The following TDRD3 variants were observed in gnomAD, a reference collection of about 807,000 sequenced individuals.
The protein encoded by TDRD3 is tudor domain containing 3.
A neutral mutation model predicts 86.7 loss-of-function variants in TDRD3; 45 were observed. The ratio of observed to expected loss-of-function variants is 0.52; its 90% confidence interval spans 0.41 to 0.67. TDRD3 has a LOEUF of 0.67. Ranked by LOEUF, TDRD3 falls within the 30% of genes least tolerant of loss-of-function variation. TDRD3 has a pLI of 0.00. For synonymous variants in TDRD3, 298 were observed against 301.7 expected, an observed-to-expected ratio of 0.99 and a Z score of 0.13; for missense variants, 814 against 889.0, an observed-to-expected ratio of 0.92 and a Z score of 1.07.
intron 10 of TDRD3, among the ~76,000 whole-genome samples, chr13:60,511,181 A>G (rs1366324630): frequency 6.6e-6 from 1 of 152,186 alleles, no homozygotes; most frequent in Admixed American, 6.6e-5. Context: ...TTTTTTATAT[A>G]CTTTAGTGAT....
intron 5 of TDRD3, among the ~76,000 whole-genome samples, chr13:60,475,804 A>AT (rs570162561): frequency 6.2e-4 from 94 of 152,032 alleles, no homozygotes; most frequent in African/African-American, 2.2e-3. Flanking sequence ...GATAATGAGC[A>AT]TTTTTTTCAT....
upstream of TDRD3, chr13:60,397,183 G>T (rs1953937043): frequency 4.9e-6 from 2 of 409,258 alleles, no homozygotes; most frequent in Non-Finnish European, 8.6e-6. Context: ...CTCAGAAAAC[G>T]CGGCGAGCGG....
intron 10 of TDRD3, among the ~76,000 whole-genome samples, chr13:60,517,870 A>C (rs1957208333): frequency 6.6e-6 from 1 of 152,232 alleles, no homozygotes; most frequent in African/African-American, 2.4e-5. Context: ...AAACCGCTTT[A>C]GCAATTTGAC....
intron 8 of TDRD3, among the ~76,000 whole-genome samples, chr13:60,508,298 C>G (rs1210167063): frequency 6.6e-6 from 1 of 152,070 alleles, no homozygotes; most frequent in African/African-American, 2.4e-5. Context: ...CAAAAAGGAG[C>G]CCATGTAGCA....
At chr13:60,457,588 T>C (rs9598133) in intron 3 of TDRD3, among the ~76,000 whole-genome samples, 6,099 of 152,320 alleles carry the variant, frequency 0.04, 169 homozygotes, top group Non-Finnish European at 0.06. Flanking sequence ...AGGTAACTCA[T>C]TCCATAAGTG....
intron 3 of TDRD3, among the ~76,000 whole-genome samples, chr13:60,447,832 A>T (rs1281743983): frequency 6.6e-6 from 1 of 152,176 alleles, no homozygotes; most frequent in African/African-American, 2.4e-5. Flanking sequence ...TAAGAAGCAA[A>T]GAGTTAAAAA....
intron 1 of TDRD3, among the ~76,000 whole-genome samples, chr13:60,418,526 C>T (rs980767008): frequency 1.3e-5 from 2 of 152,060 alleles, no homozygotes; most frequent in African/African-American, 4.8e-5. Flanking sequence ...GTGTCTGCCA[C>T]AGAGTAGATA....
At chr13:60,563,644 G>A (rs1415005708) in intron 12 of TDRD3, among the ~76,000 whole-genome samples, 8 of 152,216 alleles carry the variant, frequency 5.3e-5, no homozygotes, top group Non-Finnish European at 7.3e-5. Context: ...GCCCCCAGCC[G>A]AGGCAGATAG....
intron 12 of TDRD3, among the ~76,000 whole-genome samples, chr13:60,555,356 T>C (rs1462261094): frequency 1.3e-5 from 2 of 152,242 alleles, no homozygotes; most frequent in Non-Finnish European, 2.9e-5. Flanking sequence ...GGAATGCTTA[T>C]TGTGTGCTTG....
chr13:60,458,499 G>C (rs992546623), intron 3 of TDRD3, among the ~76,000 whole-genome samples: 1 of 152,144 alleles, frequency 6.6e-6, no homozygotes, highest in Admixed American at 6.5e-5. Flanking sequence ...TGCCATGGTT[G>C]CTCCAGATAT....
At chr13:60,433,028 C>T (rs2137925893) in intron 1 of TDRD3, among the ~76,000 whole-genome samples, 1 of 152,176 alleles carries the variant, frequency 6.6e-6, no homozygotes, top group African/African-American at 2.4e-5. Flanking sequence ...CAGATATCTT[C>T]TTATTTTTTT....
chr13:60,508,794 C>T (rs1001259562), intron 8 of TDRD3, among the ~76,000 whole-genome samples: 2 of 152,058 alleles, frequency 1.3e-5, no homozygotes, highest in African/African-American at 4.8e-5. Context: ...AGTGGTGATC[C>T]TTGGGGAGGA....
At chr13:60,399,294 G>A (rs1303201236) in intron 1 of TDRD3, among the ~76,000 whole-genome samples, 4 of 152,184 alleles carry the variant, frequency 2.6e-5, no homozygotes, top group African/African-American at 9.6e-5. Flanking sequence ...CTTCAGCAAT[G>A]TTATATTGTA....
At chr13:60,528,228 G>C (rs926511708) in intron 10 of TDRD3, 139 bp from the exon 11 acceptor site, 2 of 966,204 alleles carry the variant, frequency 2.1e-6, no homozygotes, top group Middle Eastern at 3.4e-4. Context: ...GAAGGAGTAA[G>C]ATAATGAGGT....
chr13:60,550,772 G>T lies in TDRD3; in HGVS notation c.2118+15539G>T, dbSNP rs568218883. ...AATTGCTTGACTCAAACCAGTAAAA[G>T]AAAAACTGTTTATGTTGTTACCTGG... On this transcript the variant is annotated intron_variant, in intron 12 of 13. Coordinates refer to ENST00000377881, the MANE Select transcript of TDRD3 (RefSeq NM_001146070.2). Among the ~76,000 whole-genome samples, 9 of 152,182 alleles carry T rather than the reference G, an allele frequency of 5.9e-5. No homozygotes were observed. In the South Asian group the frequency reaches 6.2e-4, roughly 11 times the overall value.
chr13:60,530,369 C>A (rs978623433), intron 11 of TDRD3, among the ~76,000 whole-genome samples: 1 of 152,002 alleles, frequency 6.6e-6, no homozygotes, highest in Non-Finnish European at 1.5e-5. Context: ...GTAGTAAAAA[C>A]GTATGTAAGG....
chr13:60,431,029 A>G (rs938611786), intron 1 of TDRD3, among the ~76,000 whole-genome samples: 16 of 152,204 alleles, frequency 1.1e-4, no homozygotes, highest in Non-Finnish European at 1.6e-4. Flanking sequence ...GACGATATAG[A>G]TGTAGAAGAG....
At chr13:60,511,123 T>G (rs1818800313) in intron 10 of TDRD3, among the ~76,000 whole-genome samples, 1 of 152,144 alleles carries the variant, frequency 6.6e-6, no homozygotes, top group Admixed American at 6.5e-5. Context: ...ATTACATAGT[T>G]TGAAAATGTT....
intron 1 of TDRD3, among the ~76,000 whole-genome samples, chr13:60,423,425 AT>A (rs1954714644): frequency 6.6e-6 from 1 of 152,228 alleles, no homozygotes; most frequent in African/African-American, 2.4e-5. Flanking sequence ...AATATAGCCA[AT>A]AAGGTTGATC....
Sources: gnomAD v4.1 joint callset for allele counts (sites outside exome capture counted in the v4.1 genomes callset) on GRCh38, gnomAD v4.1.1 for gene constraint, MANE v1.5 for transcripts, NCBI Gene and HGNC (gene_info 2026-07-23, HGNC 2026-07-21) for gene names.